Variants in ROBO2 observed in about 807,000 individuals in gnomAD.
ROBO2 encodes roundabout homolog 2.
Under a neutral mutation model 160.8 loss-of-function variants are expected in ROBO2, and 53 were observed. The ratio of observed to expected loss-of-function variants is 0.33; its 90% confidence interval spans 0.26 to 0.41. The LOEUF (loss-of-function observed/expected upper bound fraction) is 0.41, where lower values mean the gene tolerates loss of function less well. ROBO2 is among the 10% of genes least tolerant of loss of function. ROBO2 has a pLI of 1.00. For missense variants in ROBO2, 1,577 were observed against 1,722.4 expected (o/e 0.92, Z 1.49); for synonymous variants, 664 against 611.7 (o/e 1.09, Z -1.26).
At chr3:77,565,769 G>T (rs2093462286) in intron 12 of ROBO2, among the ~76,000 whole-genome samples, 1 of 151,990 alleles carries the variant, frequency 6.6e-6, no homozygotes, top group Non-Finnish European at 1.5e-5. Flanking sequence ...TCTTTCTAAA[G>T]AACTCAATTC....
At chr3:76,998,941 C>A (rs954795573) in intron 2 of ROBO2, among the ~76,000 whole-genome samples, 3 of 152,116 alleles carry the variant, frequency 2.0e-5, no homozygotes, top group African/African-American at 7.2e-5. Context: ...GCAGACCCAG[C>A]AAGGCTTCAA....
At chr3:77,228,327 G>A (rs1366283310) in intron 2 of ROBO2, among the ~76,000 whole-genome samples, 1 of 151,616 alleles carries the variant, frequency 6.6e-6, no homozygotes, top group Non-Finnish European at 1.5e-5. Context: ...CAAACACACA[G>A]CTAATTTTTC....
At chr3:76,062,784 T>G (rs909312225) in intron 2 of ROBO2, among the ~76,000 whole-genome samples, 1 of 152,134 alleles carries the variant, frequency 6.6e-6, no homozygotes, top group Non-Finnish European at 1.5e-5. Context: ...AATCATAGCT[T>G]TGCTTTGTTT....
At chr3:76,329,170 A>G (rs566191571) in intron 2 of ROBO2, among the ~76,000 whole-genome samples, 2 of 152,138 alleles carry the variant, frequency 1.3e-5, no homozygotes, top group East Asian at 3.9e-4. Flanking sequence ...AGACACGACA[A>G]GGTCAGGCGG....
chr3:77,459,859 T>A (rs1007330931), intron 2 of ROBO2, among the ~76,000 whole-genome samples: 1 of 147,568 alleles, frequency 6.8e-6, no homozygotes, highest in Non-Finnish European at 1.5e-5. Context: ...GGGTAGATAC[T>A]ACGAGATGAG....
intron 2 of ROBO2, among the ~76,000 whole-genome samples, chr3:76,818,371 T>A (rs2065864560): frequency 6.6e-6 from 1 of 151,882 alleles, no homozygotes; most frequent in Non-Finnish European, 1.5e-5. Flanking sequence ...TTTGTTTGTG[T>A]TTTTTTGTAG....
chr3:76,001,132 A>T (rs1426402129), intron 2 of ROBO2, among the ~76,000 whole-genome samples: 1 of 152,034 alleles, frequency 6.6e-6, no homozygotes, highest in Non-Finnish European at 1.5e-5. Flanking sequence ...AGTTATTCTT[A>T]AATGTTGGAC....
intron 2 of ROBO2, among the ~76,000 whole-genome samples, chr3:75,971,860 T>C (rs907363856): frequency 3.3e-5 from 5 of 151,570 alleles, no homozygotes; most frequent in African/African-American, 1.2e-4. Flanking sequence ...GCCTCTTCCA[T>C]TAATTAGAAA....
chr3:77,127,611 A>G (rs898329335), intron 2 of ROBO2, among the ~76,000 whole-genome samples: 3 of 152,146 alleles, frequency 2.0e-5, no homozygotes, highest in African/African-American at 7.2e-5. Context: ...TTAAATATCT[A>G]TTGGGTATTT....
At chr3:76,645,221 A>G (rs1417969018) in intron 2 of ROBO2, among the ~76,000 whole-genome samples, 2 of 152,180 alleles carry the variant, frequency 1.3e-5, no homozygotes, top group African/African-American at 4.8e-5. Context: ...AAGACCTAAA[A>G]TGTTTCTCTT....
chr3:76,875,765 C>T lies in ROBO2; in HGVS notation c.110-222249C>T, dbSNP rs1000180000. The stretch of plus-strand genomic sequence containing the variant: ...TGCTTCCCAGGTTCAAGCAATTCTC[C>T]GCCTCCACCTCTCAAGTATCTGGGA... On this transcript the variant is annotated intron_variant, in intron 2 of 26. Transcript: ENST00000487694. Among the ~76,000 whole-genome samples, 11 of 152,188 alleles carry T rather than the reference C, an allele frequency of 7.2e-5. No homozygotes were observed. The South Asian group carries it at 8.3e-4, about 12-fold the overall frequency.
intron 1 of ROBO2, among the ~76,000 whole-genome samples, chr3:77,074,990 A>G (rs994767322): frequency 4.6e-5 from 7 of 152,164 alleles, no homozygotes; most frequent in Non-Finnish European, 1.0e-4. Context: ...TATTTGTCGT[A>G]TTACTTAAAA....
chr3:76,637,674 T>G (rs904525315), intron 2 of ROBO2, among the ~76,000 whole-genome samples: 2 of 152,322 alleles, frequency 1.3e-5, no homozygotes, highest in East Asian at 3.9e-4. Context: ...AGGTGAGCTT[T>G]TGAAATGCTA....
At chr3:77,224,824 A>C (rs1456408455) in intron 2 of ROBO2, among the ~76,000 whole-genome samples, 1 of 151,852 alleles carries the variant, frequency 6.6e-6, no homozygotes, top group African/African-American at 2.4e-5. Flanking sequence ...GATAAGATAT[A>C]CTTTATGTTA....
At chr3:76,060,950 A>G (rs2068051973) in intron 2 of ROBO2, among the ~76,000 whole-genome samples, 1 of 152,206 alleles carries the variant, frequency 6.6e-6, no homozygotes, top group Non-Finnish European at 1.5e-5. Flanking sequence ...TTTCAATATT[A>G]GAAATTCTAG....
intron 23 of ROBO2, chr3:77,633,451 T>C (rs1337355443): frequency 1.3e-5 from 2 of 152,200 alleles, no homozygotes; most frequent in Non-Finnish European, 2.9e-5. Flanking sequence ...GCTTTTACAT[T>C]TGTATGTATA....
intron 2 of ROBO2, chr3:77,316,751 T>C (rs1174880571): frequency 9.7e-7 from 1 of 1,030,928 alleles, no homozygotes; most frequent in Non-Finnish European, 1.5e-6. Context: ...ATGGTATTCA[T>C]TCATGCTTGA....
intron 2 of ROBO2, among the ~76,000 whole-genome samples, chr3:77,448,585 AC>A (rs1560862666): frequency 7.0e-6 from 1 of 143,044 alleles, no homozygotes; most frequent in South Asian, 2.4e-4. Flanking sequence ...TAATGGATAC[AC>A]CTTTTATTAT....
intron 9 of ROBO2, among the ~76,000 whole-genome samples, chr3:77,559,190 C>A (rs1243510050): frequency 1.3e-5 from 2 of 152,168 alleles, no homozygotes; most frequent in Non-Finnish European, 2.9e-5. Flanking sequence ...TCCTGTGGAA[C>A]AAATCACAAA....
Sources: gnomAD v4.1 joint callset for allele counts (sites outside exome capture counted in the v4.1 genomes callset) on GRCh38, gnomAD v4.1.1 for gene constraint, MANE v1.5 for transcripts, NCBI Gene and HGNC (gene_info 2026-07-23, HGNC 2026-07-21) for gene names.